Variants in MFHAS1 observed in about 807,000 individuals in gnomAD.
MFHAS1 encodes malignant fibrous histiocytoma-amplified sequence 1.
In MFHAS1, 50 loss-of-function variants were observed where a neutral mutation model predicts 70.4. That is an observed-to-expected ratio of 0.71 (90% CI 0.57 to 0.90). The LOEUF (loss-of-function observed/expected upper bound fraction) is 0.90, where lower values mean the gene tolerates loss of function less well. Ranked by LOEUF, MFHAS1 falls within the 40% of genes least tolerant of loss-of-function variation. The pLI, the probability that MFHAS1 is intolerant of heterozygous loss-of-function variation, is 0.00. For synonymous variants in MFHAS1, 952 were observed against 620.0 expected (o/e 1.54, Z -7.96); for missense variants, 1,795 against 1,347.6 (o/e 1.33, Z -5.20).
rs1035260094 is a variant in MFHAS1 at position 8,787,225 on chromosome 8, T to C, written c.3126-1170A>G. On this transcript the variant is annotated intron_variant, in intron 2 of 2. Coordinates refer to ENST00000276282, the MANE Select transcript of MFHAS1 (RefSeq NM_004225.3). ...CCTCCCGAGTAGCTAGGACTACATG[T>C]GCCCGCCACCACACGCGGCTAATTT... Among the ~76,000 whole-genome samples the C allele has an allele frequency of 3.4e-4, 52 of 152,154 alleles. 1 individual carries two copies. The highest frequency in any genetic ancestry group is 1.0e-3 in the Admixed American group (16 of 15,284).
chr8:8,822,104 T>C (rs1039915), intron 1 of MFHAS1: 66,570 of 152,372 alleles, frequency 0.44, 16,124 homozygotes, highest in East Asian at 0.77. Context: ...AGACGAGGAC[T>C]CTCCACCCGG....
intron 1 of MFHAS1, among the ~76,000 whole-genome samples, chr8:8,841,089 T>C (rs563874112): frequency 1.3e-5 from 2 of 152,190 alleles, no homozygotes; most frequent in African/African-American, 4.8e-5. Context: ...AGTGCCTTAA[T>C]AAAGGTCAAG....
In MFHAS1 at chr8:8,890,489, T is replaced by C. The variant is rs1275713736; in HGVS notation, c.2570A>G (p.Glu857Gly). The change falls in exon 1 of 3, where the codon GAG becomes GGG. Residue 857 changes from glutamate (E) to glycine (G), a missense_variant. Glu to Gly is a moderately conservative substitution (Grantham distance 98). Transcript: ENST00000276282. ...AATCCAGGCTTCTGCATGGGGCACC[T>C]CGTTCTGCACATAGCATGGGAACTT... ...WYKFPCYVQN[E>G]VPHAEAWING... The C allele has an allele frequency of 5.6e-6, 9 of 1,613,598 alleles. No homozygotes were observed. The highest frequency in any genetic ancestry group is 7.6e-6 in the Non-Finnish European group (9 of 1,180,046).
At chr8:8,812,327 G>T (rs945177028) in intron 1 of MFHAS1, among the ~76,000 whole-genome samples, 1 of 152,086 alleles carries the variant, frequency 6.6e-6, no homozygotes, top group Non-Finnish European at 1.5e-5. Context: ...CCCCCTTTTT[G>T]TCCTCCAGTC....
intron 1 of MFHAS1, among the ~76,000 whole-genome samples, chr8:8,843,549 C>T (rs73190071): frequency 0.17 from 26,595 of 152,142 alleles, 2,344 homozygotes; most frequent in South Asian, 0.22. Flanking sequence ...CCACTGCATG[C>T]CAGCCTGGGC....
At chr8:8,788,016 T>C (rs1417845498) in intron 2 of MFHAS1, among the ~76,000 whole-genome samples, 2 of 152,222 alleles carry the variant, frequency 1.3e-5, no homozygotes, top group Non-Finnish European at 2.9e-5. Flanking sequence ...TTCTTCAAGA[T>C]CCATCTCAAG....
At chr8:8,868,950 G>C (rs1012176528) in intron 1 of MFHAS1, among the ~76,000 whole-genome samples, 3 of 152,174 alleles carry the variant, frequency 2.0e-5, no homozygotes, top group African/African-American at 7.2e-5. Flanking sequence ...CTAGAGTTTA[G>C]AGAAAGTCAG....
rs759452747 is a variant in MFHAS1, at chr8:8,797,347, G to C, written c.3125+18C>G. ...TCAGGAGCCAGGTCCCGGGGCCAGAGGGACTTTGAGAACTCACTTGGAACA... is the reference window on the plus strand; with the variant it reads ...TCAGGAGCCAGGTCCCGGGGCCAGACGGACTTTGAGAACTCACTTGGAACA... On this transcript the variant is annotated intron_variant, in intron 2 of 2. Coordinates refer to ENST00000276282, the MANE Select transcript of MFHAS1 (RefSeq NM_004225.3). 12 of 1,612,336 alleles carry C rather than the reference G, an allele frequency of 7.4e-6. No individual in the cohort carries two copies. In the South Asian group the frequency reaches 1.2e-4, roughly 16 times the overall value.
chr8:8,871,825 C>T (rs1809086354), intron 1 of MFHAS1, among the ~76,000 whole-genome samples: 1 of 152,186 alleles, frequency 6.6e-6, no homozygotes, highest in African/African-American at 2.4e-5. Context: ...GAGAGGTTAA[C>T]ATACTGCTGA....
chr8:8,863,230 C>T (rs1233781673), intron 1 of MFHAS1, among the ~76,000 whole-genome samples: 1 of 152,100 alleles, frequency 6.6e-6, no homozygotes, highest in African/African-American at 2.4e-5. Flanking sequence ...TTACTATAGC[C>T]GGAAAGTAAG....
intron 2 of MFHAS1, among the ~76,000 whole-genome samples, chr8:8,790,049 A>C (rs1037929201): frequency 6.6e-6 from 1 of 152,146 alleles, no homozygotes; most frequent in African/African-American, 2.4e-5. Flanking sequence ...TTTCTGCATA[A>C]TATTAACATT....
chr8:8,785,814 C>A lies in MFHAS1; in HGVS notation c.*208G>T. On this transcript the variant is annotated 3_prime_UTR_variant, in exon 3 of 3. Coordinates refer to ENST00000276282, the MANE Select transcript of MFHAS1 (RefSeq NM_004225.3). ...CAGTTCTGAGGTTCAGGTTGTAAAA[C>A]ATTTGCTCCATGTTCTCGTCCATGC... is the stretch of plus-strand genomic sequence containing the variant. The A allele has an allele frequency of 1.1e-5, 5 of 473,884 alleles. No individual in the cohort carries two copies. The highest frequency in any genetic ancestry group is 2.6e-5 in the South Asian group (1 of 38,678). 29.4% of individuals were successfully genotyped at this position (473,884 alleles called of 1,614,324 possible).
chr8:8,804,217 A>T (rs1217105193), intron 1 of MFHAS1, among the ~76,000 whole-genome samples: 1 of 152,230 alleles, frequency 6.6e-6, no homozygotes, highest in East Asian at 1.9e-4. Flanking sequence ...CACCATCAAA[A>T]ATTATGACCC....
chr8:8,857,285 C>T (rs564364146), intron 1 of MFHAS1, among the ~76,000 whole-genome samples: 4 of 152,300 alleles, frequency 2.6e-5, no homozygotes, highest in African/African-American at 7.2e-5. Flanking sequence ...GGTTAACCAA[C>T]ACAGCACAAG....
chr8:8,890,835 GGAA>G lies in MFHAS1; in HGVS notation c.2221_2223del (p.Phe741del). ...TGCAGCAGCAAAGAGGGATCCCTCT[GGAA>G]GAAGACATTGAGGATGTCGATGAGG... On this transcript the variant is annotated inframe_deletion, in exon 1 of 3. Coordinates refer to ENST00000276282, the MANE Select transcript of MFHAS1 (RefSeq NM_004225.3). 6.2e-7 allele frequency: 1 copy of G among 1,614,212 alleles called. No individual in the cohort carries two copies. Among genetic ancestry groups the G allele is most frequent in the Non-Finnish European group, 8.5e-7 (1 of 1,180,038 alleles).
At chr8:8,795,777 T>C (rs1469846360) in intron 2 of MFHAS1, among the ~76,000 whole-genome samples, 1 of 152,210 alleles carries the variant, frequency 6.6e-6, no homozygotes, top group African/African-American at 2.4e-5. Flanking sequence ...CTGCCTGGAA[T>C]GCAGCCGGAC....
At chr8:8,791,227 C>G (rs10105920) in intron 2 of MFHAS1, among the ~76,000 whole-genome samples, 1 of 149,892 alleles carries the variant, frequency 6.7e-6, no homozygotes, top group Non-Finnish European at 1.5e-5. Flanking sequence ...CCCCACATAT[C>G]GGAGCACAGA....
intron 1 of MFHAS1, among the ~76,000 whole-genome samples, chr8:8,889,596 T>C (rs956300271): frequency 1.2e-4 from 18 of 152,220 alleles, no homozygotes; most frequent in African/African-American, 3.9e-4. Flanking sequence ...TACAAACCTA[T>C]GTACTCACGA....
At chr8:8,811,627 C>G (rs1806551207) in intron 1 of MFHAS1, among the ~76,000 whole-genome samples, 1 of 152,238 alleles carries the variant, frequency 6.6e-6, no homozygotes, top group Non-Finnish European at 1.5e-5. Context: ...CTGACGCATA[C>G]TAGCTGATGC....
Sources: allele counts gnomAD v4.1 joint callset (sites outside exome capture counted in the v4.1 genomes callset), GRCh38; gene constraint gnomAD v4.1.1; transcripts MANE v1.5; gene names NCBI Gene and HGNC (gene_info 2026-07-23, HGNC 2026-07-21).